DAO: variants seen among roughly 807,000 people sequenced by gnomAD.
DAO encodes D-amino-acid oxidase.
In DAO, 51 loss-of-function variants were observed where a neutral mutation model predicts 50.1. The observed-to-expected ratio is 1.02, with a 90% CI of 0.81 to 1.29. DAO has a LOEUF of 1.29. Among genes scored for constraint, DAO ranks in the 50% most tolerant of loss-of-function variants. The pLI is 0.00. For synonymous variants in DAO, 160 were observed against 166.2 expected (o/e 0.96, Z 0.29); for missense variants, 436 against 439.4 (o/e 0.99, Z 0.07).
chr12:108,882,858 G>A (rs570238298), intron 1 of DAO, among the ~76,000 whole-genome samples: 1 of 152,228 alleles, frequency 6.6e-6, no homozygotes, highest in South Asian at 2.1e-4. Flanking sequence ...ATATAAAAAT[G>A]GTCAAGCGGG....
At chr12:108,895,814 C>CAGGTGTGT (rs1355194059) in intron 7 of DAO, among the ~76,000 whole-genome samples, 5 of 151,120 alleles carry the variant, frequency 3.3e-5, no homozygotes, top group Admixed American at 3.3e-4. Flanking sequence ...CATAGGTGTG[C>CAGGTGTGT]AGGTGTGTGT....
rs574623508 is a variant in DAO at position 108,884,435 on chromosome 12, T to C, written c.-9-563T>C. Among the ~76,000 whole-genome samples, 4 of 152,350 alleles carry C rather than the reference T, an allele frequency of 2.6e-5. No homozygotes were observed. The East Asian group carries it at 7.7e-4, about 29-fold the overall frequency. On this transcript the variant is annotated intron_variant, in intron 1 of 10. Coordinates refer to ENST00000228476, the MANE Select transcript of DAO (RefSeq NM_001917.5). ...GATGAATGGATGCTTGTGAAGCACT[T>C]AGTGCCGGGGCCAGCTGGCTCACAG...
At chr12:108,887,882 A>G (rs1013844604) in intron 3 of DAO, among the ~76,000 whole-genome samples, 1 of 152,220 alleles carries the variant, frequency 6.6e-6, no homozygotes, top group Non-Finnish European at 1.5e-5. Context: ...AAAGGTTTCA[A>G]GTGCCCCTGA....
chr12:108,880,421 G>T (rs1056533737), intron 1 of DAO, 197 bp downstream of exon 1: 16 of 306,532 alleles, frequency 5.2e-5, no homozygotes, highest in Admixed American at 1.3e-4. Context: ...CCAAGCCTCA[G>T]TTTCTTCACC....
rs111173935 is a variant in DAO at position 108,895,571 on chromosome 12, C to T, written c.612+1204C>T. Among the ~76,000 whole-genome samples the T allele has an allele frequency of 7.0e-3, 891 of 126,808 alleles. 10 individuals carry two copies. Among genetic ancestry groups the T allele is most frequent in the African/African-American group, 0.026 (847 of 32,288 alleles). The allele number at this position is 126,808 out of a possible 152,430, so 83.2% of individuals were successfully genotyped here. ...GTGTGCATGTGTGTGAAGGTGTGTG[C>T]GCATGTGAGAGTGTATGTACGTGTG... is the stretch of plus-strand genomic sequence containing the variant. On this transcript the variant is annotated intron_variant, in intron 7 of 10. Coordinates refer to ENST00000228476, the MANE Select transcript of DAO (RefSeq NM_001917.5).
At chr12:108,883,746 G>A (rs929827660) in intron 1 of DAO, 20 of 413,484 alleles carry the variant, frequency 4.8e-5, no homozygotes, top group Admixed American at 1.1e-4. Flanking sequence ...GCTCGGGCTC[G>A]AAGCTGGAAG....
At position 108,897,107 on chromosome 12, in the gene DAO, C is replaced by G. The variant is rs751222640; in HGVS notation, c.695+19C>G. The G allele has an allele frequency of 6.3e-7, 1 of 1,584,766 alleles. No individual in the cohort carries two copies. The highest frequency in any genetic ancestry group is 1.1e-5 in the South Asian group (1 of 90,472). Reference sequence around the variant, plus strand: ...TCCCAGGGTAAAATTGGACTGTTCTCGGGCAGAAGAGTGGTCCCCTTCATG... The same window carrying G: ...TCCCAGGGTAAAATTGGACTGTTCTGGGGCAGAAGAGTGGTCCCCTTCATG... On this transcript the variant is annotated intron_variant, in intron 8 of 10. Transcript: ENST00000228476.
chr12:108,898,521 T>C (rs946517603), intron 8 of DAO, 158 bp from the exon 9 acceptor site: 20 of 731,036 alleles, frequency 2.7e-5, no homozygotes, highest in Non-Finnish European at 4.6e-5. Flanking sequence ...GAAGTGGTGA[T>C]GGAAGAGTTC....
chr12:108,898,464 T>C, intron 8 of DAO: 2 of 577,148 alleles, frequency 3.5e-6, no homozygotes, highest in South Asian at 1.8e-5. Flanking sequence ...GACCTATTAA[T>C]GATAGTAGCA....
intron 2 of DAO, among the ~76,000 whole-genome samples, chr12:108,886,919 A>G (rs1213444078): frequency 6.6e-6 from 1 of 152,216 alleles, no homozygotes; most frequent in East Asian, 1.9e-4. Context: ...TGGTGACTGC[A>G]GAAGGATCAT....
At chr12:108,887,026 C>T (rs1012829913) in intron 2 of DAO, among the ~76,000 whole-genome samples, 3 of 152,134 alleles carry the variant, frequency 2.0e-5, no homozygotes, top group African/African-American at 7.2e-5. Context: ...TGTAGGTGAG[C>T]TGTGTGCCCA....
chr12:108,900,538 A>G lies in DAO; in HGVS notation c.*3A>G, dbSNP rs564918916. On this transcript the variant is annotated 3_prime_UTR_variant, in exon 11 of 11. Transcript: ENST00000228476. ...GAATGCCACCATCCCACCTCTGAAG[A>G]CTCCAGTGACTGCTGCCTCCCCCCA... The G allele has an allele frequency of 4.3e-6, 7 of 1,613,396 alleles. No individual in the cohort carries two copies. In the African/African-American group the frequency reaches 9.3e-5, roughly 22 times the overall value.
At chr12:108,883,393 G>C (rs980270021) in intron 1 of DAO, among the ~76,000 whole-genome samples, 1 of 152,162 alleles carries the variant, frequency 6.6e-6, no homozygotes, top group African/African-American at 2.4e-5. Flanking sequence ...TGATCCACCC[G>C]CCTCGGCCTC....
intron 7 of DAO, among the ~76,000 whole-genome samples, chr12:108,895,476 CATGT>C (rs1304647615): frequency 6.6e-5 from 8 of 120,896 alleles, no homozygotes; most frequent in Non-Finnish European, 9.9e-5. Flanking sequence ...GGTGATTGTG[CATGT>C]ATGTGAGGGT....
At chr12:108,885,261 T>C in intron 2 of DAO, 61 bp downstream of exon 2, 1 of 1,521,030 alleles carries the variant, frequency 6.6e-7, no homozygotes, top group Non-Finnish European at 9.0e-7. Context: ...GCAGAGGGAG[T>C]CAGGGTTCCC....
At chr12:108,892,880 C>T (rs768364533) in intron 5 of DAO, 102 bp from the exon 6 acceptor site, 13 of 993,520 alleles carry the variant, frequency 1.3e-5, no homozygotes, top group Non-Finnish European at 1.8e-5. Context: ...GTGCAACTAA[C>T]GTCCGCAGAA....
chr12:108,885,858 G>A (rs1208384367), intron 2 of DAO, among the ~76,000 whole-genome samples: 7 of 152,252 alleles, frequency 4.6e-5, no homozygotes, highest in South Asian at 2.1e-4. Context: ...AGGTTCAAGC[G>A]ATTCTCCTGC....
Position 108,900,671 on chromosome 12 carries a change from A to G in DAO, c.*136A>G, listed in dbSNP as rs529774166. On this transcript the variant is annotated 3_prime_UTR_variant, in exon 11 of 11. Coordinates refer to ENST00000228476, the MANE Select transcript of DAO (RefSeq NM_001917.5). ...GAAGCATGAGGTGAGAGAAAGCCAC[A>G]AAGTCAGTGCCTGGAGAAGGGTTCA... 1.6e-4 allele frequency: 207 copies of G among 1,309,466 alleles called. 2 individuals carry two copies. The South Asian group carries it at 2.5e-3, about 16-fold the overall frequency. 81.1% of individuals were successfully genotyped at this position (1,309,466 alleles called of 1,614,324 possible).
chr12:108,883,178 G>A (rs926107824), intron 1 of DAO, among the ~76,000 whole-genome samples: 11 of 151,250 alleles, frequency 7.3e-5, no homozygotes, highest in African/African-American at 2.4e-4. Flanking sequence ...GCAGAATTTC[G>A]CTCTGTTGCC....
Sources: gnomAD v4.1 joint callset for allele counts (sites outside exome capture counted in the v4.1 genomes callset) on GRCh38, gnomAD v4.1.1 for gene constraint, MANE v1.5 for transcripts, NCBI Gene and HGNC (gene_info 2026-07-23, HGNC 2026-07-21) for gene names.